The following FRMD7 variants were observed in gnomAD, a reference collection of about 807,000 sequenced individuals.
FRMD7 encodes FERM domain containing 7.
A neutral mutation model predicts 44.1 loss-of-function variants in FRMD7; 14 were observed. The ratio of observed to expected loss-of-function variants is 0.32; its 90% CI spans 0.21 to 0.50. The LOEUF (loss-of-function observed/expected upper bound fraction) is 0.50, where lower values mean the gene tolerates loss of function less well. Ranked by LOEUF, FRMD7 falls within the 20% of genes least tolerant of loss-of-function variation. The probability of loss-of-function intolerance (pLI) is 0.99; values close to 1 mark genes in which losing one functional copy is unlikely to be tolerated. For synonymous variants in FRMD7, 212 were observed against 187.4 expected, an observed-to-expected ratio of 1.13 and a Z score of -1.07; for missense variants, 501 against 522.3, an observed-to-expected ratio of 0.96 and a Z score of 0.40.
At chrX:132,116,925 T>G (rs1413313546) in intron 1 of FRMD7, among the ~76,000 whole-genome samples, 3 of 112,012 alleles carry the variant, frequency 2.7e-5, no homozygotes, top group African/African-American at 9.7e-5. Flanking sequence ...GTGGATGGAG[T>G]GGTCAAGTGC....
At chrX:132,117,466 G>A in intron 1 of FRMD7, among the ~76,000 whole-genome samples, 1 of 112,114 alleles carries the variant, frequency 8.9e-6, no homozygotes, top group Middle Eastern at 4.6e-3. Flanking sequence ...GAGGTAACGT[G>A]CTTTACCTCA....
chrX:132,079,309 G>C (rs1927732582), intron 11 of FRMD7, among the ~76,000 whole-genome samples: 1 of 111,503 alleles, frequency 9.0e-6, no homozygotes, highest in African/African-American at 3.3e-5. Context: ...TTTGCTGTGT[G>C]ACCTTAGACA....
At chrX:132,097,582 T>C (rs910481671) in intron 3 of FRMD7, among the ~76,000 whole-genome samples, 1 of 111,429 alleles carries the variant, frequency 9.0e-6, no homozygotes, top group African/African-American at 3.3e-5. Flanking sequence ...CCCCTCTTTC[T>C]ACCCTCTCTG....
At chrX:132,089,013 A>G (rs1330960570) in intron 5 of FRMD7, among the ~76,000 whole-genome samples, 2 of 112,317 alleles carry the variant, frequency 1.8e-5, no homozygotes, top group East Asian at 5.5e-4. Context: ...ATTTACATGG[A>G]AATGCACAGA....
chrX:132,100,722 C>T lies in FRMD7; in HGVS notation c.58-6G>A, dbSNP rs750979330. On this transcript the variant is annotated splice_polypyrimidine_tract_variant and splice_region_variant and intron_variant, in intron 1 of 11. Transcript: ENST00000298542. ...GCCTTCCCGGATGACTTTTGCTAAA[C>T]AAAACAAAAAGATGATAGCACAATT... 8.7e-7 allele frequency: 1 copy of T among 1,154,413 alleles called. No homozygotes were observed. Among genetic ancestry groups the T allele is most frequent in the Non-Finnish European group, 1.2e-6 (1 of 844,045 alleles).
At chrX:132,124,929 A>G (rs927118316) in intron 1 of FRMD7, among the ~76,000 whole-genome samples, 18 of 112,081 alleles carry the variant, frequency 1.6e-4, no homozygotes, top group African/African-American at 5.8e-4. Flanking sequence ...GAGTTAATTA[A>G]TGAATACGTG....
chrX:132,105,156 C>T (rs1371201895), intron 1 of FRMD7, among the ~76,000 whole-genome samples: 1 of 111,164 alleles, frequency 9.0e-6, no homozygotes, highest in Non-Finnish European at 1.9e-5. Context: ...TCATCGATGA[C>T]AGATTATGGA....
intron 9 of FRMD7, among the ~76,000 whole-genome samples, chrX:132,081,598 C>A (rs917733266): frequency 8.9e-6 from 1 of 112,113 alleles, no homozygotes; most frequent in Admixed American, 9.4e-5. Flanking sequence ...AAGATTCAAT[C>A]AGAAATATGT....
chrX:132,124,937 G>A (rs1382652776), intron 1 of FRMD7, among the ~76,000 whole-genome samples: 1 of 111,684 alleles, frequency 9.0e-6, no homozygotes, highest in African/African-American at 3.3e-5. Flanking sequence ...TAATGAATAC[G>A]TGACTAAAAG....
chrX:132,090,396 G>A (rs1328999219), intron 5 of FRMD7, among the ~76,000 whole-genome samples: 1 of 111,701 alleles, frequency 9.0e-6, no homozygotes, highest in Non-Finnish European at 1.9e-5. Context: ...AACTGTTGCA[G>A]CTCATGTTAG....
chrX:132,109,590 C>T (rs1166481450), intron 1 of FRMD7, among the ~76,000 whole-genome samples: 1 of 111,729 alleles, frequency 9.0e-6, no homozygotes, highest in Non-Finnish European at 1.9e-5. Context: ...ACAGGCATTA[C>T]CACCAAGGAA....
chrX:132,097,423 A>C (rs938292332), intron 3 of FRMD7, 79 bp from the exon 4 acceptor site: 1 of 593,259 alleles, frequency 1.7e-6, no homozygotes, highest in East Asian at 3.3e-5. Context: ...ACACACACAC[A>C]CACACCCACA....
At chrX:132,111,021 T>A (rs5977631) in intron 1 of FRMD7, among the ~76,000 whole-genome samples, 14,232 of 110,173 alleles carry the variant, frequency 0.13, 818 homozygotes, top group African/African-American at 0.22. Context: ...CCTGTCTCTA[T>A]AAAAATTAAA....
intron 8 of FRMD7, among the ~76,000 whole-genome samples, chrX:132,083,510 G>A (rs1213134923): frequency 9.0e-6 from 1 of 110,968 alleles, no homozygotes; most frequent in Non-Finnish European, 1.9e-5. Context: ...TAGCCTCTGG[G>A]GCTCTCCATG....
At chrX:132,111,500 C>G (rs1928777481) in intron 1 of FRMD7, among the ~76,000 whole-genome samples, 1 of 111,884 alleles carries the variant, frequency 8.9e-6, no homozygotes, top group Admixed American at 9.5e-5. Flanking sequence ...TGTATTATCC[C>G]TTTTGTAACT....
At chrX:132,119,734 G>A (rs753919821) in intron 1 of FRMD7, among the ~76,000 whole-genome samples, 2 of 111,250 alleles carry the variant, frequency 1.8e-5, no homozygotes, top group South Asian at 3.9e-4. Context: ...AGAGAGTTCC[G>A]CAGCCCCCAG....
Position 132,077,691 on chromosome X carries a change from A to G in FRMD7, c.*181T>C, listed in dbSNP as rs962853116. The G allele has an allele frequency of 8.1e-6, 5 of 614,096 alleles. No individual in the cohort carries two copies. Among genetic ancestry groups the G allele is most frequent in the Non-Finnish European group, 1.3e-5 (5 of 399,729 alleles). 50.6% of individuals were successfully genotyped at this position (614,096 alleles called of 1,213,427 possible). ...TCTAAAGTCCCTTCAGAGGTAATGG[A>G]AGAGTGAAACTCAAGGAATGAGGCA... On this transcript the variant is annotated 3_prime_UTR_variant, in exon 12 of 12. Coordinates refer to ENST00000298542, the MANE Select transcript of FRMD7 (RefSeq NM_194277.3).
At chrX:132,097,034 C>G (rs1183475371) in intron 4 of FRMD7, among the ~76,000 whole-genome samples, 1 of 110,842 alleles carries the variant, frequency 9.0e-6, no homozygotes, top group Non-Finnish European at 1.9e-5. Flanking sequence ...CAAGTGGATA[C>G]CCAGGCTTGA....
At chrX:132,080,752 G>A (rs779640343) in intron 9 of FRMD7, among the ~76,000 whole-genome samples, 2 of 111,611 alleles carry the variant, frequency 1.8e-5, no homozygotes, top group South Asian at 7.6e-4. Flanking sequence ...AGGCAAGGCT[G>A]CAGTGAGCGG....
Sources: gnomAD v4.1 joint callset for allele counts (sites outside exome capture counted in the v4.1 genomes callset) on GRCh38, gnomAD v4.1.1 for gene constraint, MANE v1.5 for transcripts, NCBI Gene and HGNC (gene_info 2026-07-23, HGNC 2026-07-21) for gene names.